The following TRMT44 variants were observed in gnomAD, a reference collection of about 807,000 sequenced individuals.
TRMT44 encodes probable tRNA (uracil-O(2)-)-methyltransferase.
A neutral mutation model predicts 77.3 loss-of-function variants in TRMT44; 78 were observed. The ratio of observed to expected loss-of-function variants is 1.01; its 90% CI spans 0.84 to 1.22. TRMT44 has a LOEUF of 1.22. Among genes scored for constraint, TRMT44 ranks in the 50% most tolerant of loss-of-function variants. The probability of loss-of-function intolerance (pLI) is 0.00; values close to 1 mark genes in which losing one functional copy is unlikely to be tolerated. For synonymous variants in TRMT44, 391 were observed against 383.3 expected, an observed-to-expected ratio of 1.02 and a Z score of -0.23; for missense variants, 1,090 against 964.4, an observed-to-expected ratio of 1.13 and a Z score of -1.73.
chr4:8,480,062 C>T (rs1042246146), downstream of TRMT44, among the ~76,000 whole-genome samples: 1 of 152,040 alleles, frequency 6.6e-6, no homozygotes, highest in Non-Finnish European at 1.5e-5. Flanking sequence ...TCTTGAACTC[C>T]TGGACTGAAG....
chr4:8,493,897 G>T (rs751891741), downstream of TRMT44, among the ~76,000 whole-genome samples: 6 of 150,798 alleles, frequency 4.0e-5, no homozygotes, highest in African/African-American at 1.5e-4. Flanking sequence ...TTGTCATTTC[G>T]TTTTCAGGTC....
In TRMT44 at chr4:8,441,063, G is replaced by C. The variant is rs1471802709; in HGVS notation, c.241G>C (p.Gly81Arg). 1.9e-5 allele frequency: 28 copies of C among 1,486,584 alleles called. No homozygotes were observed. The highest frequency in any genetic ancestry group is 4.6e-5 in the Admixed American group (2 of 43,486). The allele number at this position is 1,486,584 out of a possible 1,614,324, so 92.1% of individuals were successfully genotyped here. A position where few individuals can be genotyped will look rare whatever the true frequency, so the allele number is the denominator to read the frequency against. Residue 81 changes from glycine to arginine, a missense_variant, in exon 1 of 11, where the codon GGG (glycine) becomes CGG (arginine). Physicochemically the swap from Gly to Arg is moderately radical, Grantham distance 125. Coordinates refer to ENST00000389737, the MANE Select transcript of TRMT44 (RefSeq NM_152544.3). ...GPGPGQGSPG[G>R]GPGPRSLSGP... is the part of the protein sequence containing the mutation. ...GGGACCCGGCCAGGGTTCCCCCGGA[G>C]GGGGCCCGGGTCCCAGGTCGCTATC... is the stretch of plus-strand genomic sequence containing the variant.
At chr4:8,447,481 C>T (rs1218528432) in intron 2 of TRMT44, among the ~76,000 whole-genome samples, 1 of 152,112 alleles carries the variant, frequency 6.6e-6, no homozygotes, top group Non-Finnish European at 1.5e-5. Flanking sequence ...ATGAGTTTGC[C>T]CGGGGCTTCC....
Position 8,444,322 on chromosome 4 carries a change from C to CA in TRMT44, c.620-2146dup, listed in dbSNP as rs1286258930. The stretch of plus-strand genomic sequence containing the variant: ...GGAGAGGTGGGATGGTTAAAGTGTA[C>CA]AAAAAAAATAGAATATGAATAACAC... On this transcript the variant is annotated intron_variant, in intron 1 of 10. Coordinates refer to ENST00000389737, the MANE Select transcript of TRMT44 (RefSeq NM_152544.3). The surrounding 1 kb of genome is among the most constrained non-coding windows in gnomAD (Gnocchi z 4.0). Among the ~76,000 whole-genome samples, 1 of 146,284 alleles carries CA rather than the reference C, an allele frequency of 6.8e-6. No individual in the cohort carries two copies. The highest frequency in any genetic ancestry group is 2.5e-5 in the African/African-American group (1 of 39,570).
the TRMT44 span, among the ~76,000 whole-genome samples, chr4:8,504,968 C>T: frequency 6.6e-6 from 1 of 152,192 alleles, no homozygotes; most frequent in Non-Finnish European, 1.5e-5. This position sits in a 1 kb window ranked among gnomAD's most constrained non-coding sequence, Gnocchi z 5.3. Flanking sequence ...TCATTACTCA[C>T]CTTCTGCTCT....
intron 10 of TRMT44, 109 bp from the exon 11 acceptor site, chr4:8,475,663 C>T: frequency 1.0e-6 from 1 of 993,004 alleles, no homozygotes; most frequent in Non-Finnish European, 1.5e-6. Flanking sequence ...CGGTTGTATC[C>T]CTGACCCTGG....
At chr4:8,460,678 C>T (rs760479709) in intron 6 of TRMT44, among the ~76,000 whole-genome samples, 1 of 151,696 alleles carries the variant, frequency 6.6e-6, no homozygotes, top group Non-Finnish European at 1.5e-5. Flanking sequence ...CTCAACCTCC[C>T]GGGTAGCTAG....
At chr4:8,466,310 G>A (rs965098818) in intron 8 of TRMT44, among the ~76,000 whole-genome samples, 2 of 152,162 alleles carry the variant, frequency 1.3e-5, no homozygotes, top group East Asian at 1.9e-4. Flanking sequence ...GCTGCTGCCC[G>A]TGGTGCACTC....
In TRMT44 at chr4:8,491,488, G is replaced by T. The variant is rs769223683; in HGVS notation, n.3892-1778G>T. On this transcript the variant is annotated intron_variant and non_coding_transcript_variant, in intron 2 of 2. Coordinates refer to the TRMT44 transcript ENST00000511366. ...GGTGCTCGTCGGGGAGGCTCGGGCC[G>T]CACAGGAGCCCATGGAGTGGGTGGG... Among the ~76,000 whole-genome samples the T allele has an allele frequency of 1.1e-4, 17 of 152,330 alleles. No individual in the cohort carries two copies. The East Asian group carries it at 2.9e-3, about 26-fold the overall frequency.
Position 8,452,036 on chromosome 4 carries a change from T to C in TRMT44, c.1023+8T>C, listed in dbSNP as rs1579046645. On this transcript the variant is annotated splice_region_variant and intron_variant, in intron 4 of 10. Coordinates refer to ENST00000389737, the MANE Select transcript of TRMT44 (RefSeq NM_152544.3). This position sits in a 1 kb window ranked among gnomAD's most constrained non-coding sequence, Gnocchi z 5.7. Reference sequence around the variant, plus strand: ...ATCGCAGCATACCTGCTGGTAAGGGTGTAAGCGACCTCAGCTTCTCTGGAG... The same window carrying C: ...ATCGCAGCATACCTGCTGGTAAGGGCGTAAGCGACCTCAGCTTCTCTGGAG... The C allele has an allele frequency of 6.5e-7, 1 of 1,536,226 alleles. No individual in the cohort carries two copies. The highest frequency in any genetic ancestry group is 1.2e-5 in the South Asian group (1 of 84,046).
Position 8,471,079 on chromosome 4 carries a change from C to T in TRMT44, c.1928-5C>T. The T allele has an allele frequency of 6.4e-7, 1 of 1,572,708 alleles. No individual in the cohort carries two copies. Among genetic ancestry groups the T allele is most frequent in the Non-Finnish European group, 8.6e-7 (1 of 1,164,514 alleles). ...TGGGGAAAAAAAAAACCCGTTTTTC[C>T]ACAGAGAGCCTATCTCTGGCAGAAG... On this transcript the variant is annotated splice_polypyrimidine_tract_variant and splice_region_variant and intron_variant, in intron 9 of 10. Transcript: ENST00000389737.
chr4:8,477,717 T>G (rs1282945656), downstream of TRMT44: 1 of 152,532 alleles, frequency 6.6e-6, no homozygotes, highest in East Asian at 1.9e-4. Flanking sequence ...CAGGTTTTGT[T>G]GCTCAGCACA....
downstream of TRMT44, chr4:8,476,806 A>G (rs1417757886): frequency 6.6e-6 from 1 of 152,240 alleles, no homozygotes; most frequent in African/African-American, 2.4e-5. Flanking sequence ...TGCAGTGGCA[A>G]GATCATAGCT....
At chr4:8,477,091 A>C (rs560888685), downstream of TRMT44, 3 of 152,370 alleles carry the variant, frequency 2.0e-5, no homozygotes, top group East Asian at 5.8e-4. Context: ...AAAAGGTCAC[A>C]TGCAGTCCAC....
downstream of TRMT44, chr4:8,478,476 ATTTC>A (rs1285724538): frequency 2.6e-5 from 4 of 152,504 alleles, no homozygotes; most frequent in Non-Finnish European, 4.4e-5. Context: ...TCCAGGTACC[ATTTC>A]TTACTGCCCC....
At chr4:8,507,354 G>A in the TRMT44 span, 1 of 152,420 alleles carries the variant, frequency 6.6e-6, no homozygotes, top group African/African-American at 2.4e-5. Context: ...TAGAAGCCCA[G>A]AATCGCCTGG....
At chr4:8,496,466 T>G (rs2631761), downstream of TRMT44, among the ~76,000 whole-genome samples, 80,010 of 151,954 alleles carry the variant, frequency 0.53, 21,443 homozygotes, top group African/African-American at 0.6. Flanking sequence ...GGCAGGAGTG[T>G]GTGTTTGCAT....
chr4:8,464,573 T>G (rs1726394814), intron 7 of TRMT44, among the ~76,000 whole-genome samples: 2 of 152,196 alleles, frequency 1.3e-5, no homozygotes. Context: ...TCGTTGACGT[T>G]TCGTTGCTGA....
At chr4:8,495,245 A>AAC (rs1260282681), downstream of TRMT44, among the ~76,000 whole-genome samples, 3 of 152,158 alleles carry the variant, frequency 2.0e-5, no homozygotes, top group African/African-American at 7.2e-5. Context: ...GTCATAGGTA[A>AAC]ACCCCCATGG....
Sources: allele counts gnomAD v4.1 joint callset (sites outside exome capture counted in the v4.1 genomes callset), GRCh38; gene constraint gnomAD v4.1.1; non-coding constraint Gnocchi (gnomAD v3.1); transcripts MANE v1.5; gene names NCBI Gene and HGNC (gene_info 2026-07-23, HGNC 2026-07-21).